The following KAZN variants were observed in gnomAD, a reference collection of about 807,000 sequenced individuals.
KAZN encodes kazrin.
KAZN carries 40 observed loss-of-function variants against 87.4 expected under a neutral mutation model. The ratio of observed to expected loss-of-function variants is 0.46; its 90% CI spans 0.36 to 0.60. KAZN has a LOEUF of 0.60. Ranked by LOEUF, KAZN falls within the 20% of genes least tolerant of loss-of-function variation. The probability of loss-of-function intolerance (pLI) is 0.00; values close to 1 mark genes in which losing one functional copy is unlikely to be tolerated. For missense variants in KAZN, 898 were observed against 1,073.9 expected (o/e 0.84, Z 2.29); for synonymous variants, 466 against 458.3 (o/e 1.02, Z -0.22).
intron 1 of KAZN, among the ~76,000 whole-genome samples, chr1:14,887,580 A>G (rs1654213278): frequency 6.6e-6 from 1 of 152,184 alleles, no homozygotes; most frequent in African/African-American, 2.4e-5. Flanking sequence ...GTGTCTAGGA[A>G]AAAACATGCA....
intron 1 of KAZN, among the ~76,000 whole-genome samples, chr1:14,053,498 A>G (rs777810948): frequency 1.3e-5 from 2 of 152,190 alleles, no homozygotes; most frequent in Non-Finnish European, 2.9e-5. Context: ...ACAGTAGAGA[A>G]CTAAGGCAGT....
intron 2 of KAZN, among the ~76,000 whole-genome samples, chr1:15,022,748 G>A (rs1011270818): frequency 3.9e-5 from 6 of 152,196 alleles, no homozygotes; most frequent in African/African-American, 9.7e-5. Context: ...GGCCACATTC[G>A]GTCAGTCACC....
intron 1 of KAZN, among the ~76,000 whole-genome samples, chr1:14,929,266 T>C (rs992959917): frequency 6.6e-6 from 1 of 152,224 alleles, no homozygotes; most frequent in African/African-American, 2.4e-5. Context: ...TTTTCTTTTA[T>C]TTTTGAAGTT....
At chr1:14,531,770 T>A (rs1672219955) in intron 2 of KAZN, among the ~76,000 whole-genome samples, 1 of 152,232 alleles carries the variant, frequency 6.6e-6, no homozygotes. Context: ...AGCTTTGAAA[T>A]GGAAACTAAT....
upstream of KAZN, among the ~76,000 whole-genome samples, chr1:14,594,564 C>A (rs1402038778): frequency 6.6e-6 from 1 of 152,152 alleles, no homozygotes. Flanking sequence ...ATGAAGTGGA[C>A]CCATTTTCTG....
At chr1:14,862,738 A>G (rs958932968) in intron 1 of KAZN, among the ~76,000 whole-genome samples, 1 of 152,150 alleles carries the variant, frequency 6.6e-6, no homozygotes, top group African/African-American at 2.4e-5. Flanking sequence ...TGTGCTCATA[A>G]TACATTGACA....
intron 2 of KAZN, among the ~76,000 whole-genome samples, chr1:14,533,656 C>T (rs914964431): frequency 3.9e-5 from 6 of 152,162 alleles, no homozygotes; most frequent in African/African-American, 9.7e-5. Flanking sequence ...CCGTTTGCTC[C>T]TTGCTTGCCC....
chr1:14,433,852 T>A (rs977315945), intron 2 of KAZN, among the ~76,000 whole-genome samples: 11 of 152,128 alleles, frequency 7.2e-5, no homozygotes, highest in African/African-American at 2.7e-4. Context: ...TGAGTGAGAC[T>A]CTGTCTCAAA....
intron 2 of KAZN, among the ~76,000 whole-genome samples, chr1:14,398,974 C>A (rs1270376030): frequency 2.6e-5 from 4 of 152,056 alleles, no homozygotes; most frequent in Non-Finnish European, 1.5e-5. Flanking sequence ...TCTCCCCATT[C>A]CCCCCTCCAC....
chr1:14,190,505 T>C (rs1222582521), intron 2 of KAZN, among the ~76,000 whole-genome samples: 1 of 152,206 alleles, frequency 6.6e-6, no homozygotes, highest in Non-Finnish European at 1.5e-5. Flanking sequence ...TTCTTTGCAA[T>C]GTGACTTTGC....
chr1:14,407,620 T>A (rs1246608185), intron 2 of KAZN, among the ~76,000 whole-genome samples: 1 of 152,182 alleles, frequency 6.6e-6, no homozygotes, highest in Non-Finnish European at 1.5e-5. Context: ...TTGAGCCAGT[T>A]TCCTGATCTC....
chr1:14,731,427 G>A (rs1229015348), intron 1 of KAZN, among the ~76,000 whole-genome samples: 3 of 152,130 alleles, frequency 2.0e-5, no homozygotes, highest in Non-Finnish European at 4.4e-5. Context: ...ACTTATCCCC[G>A]GTTCTAGAAG....
At chr1:14,682,060 A>G (rs1640694707) in intron 1 of KAZN, among the ~76,000 whole-genome samples, 2 of 151,874 alleles carry the variant, frequency 1.3e-5, no homozygotes, top group African/African-American at 4.8e-5. Context: ...CATCATCACT[A>G]TCCATCTCCA....
chr1:15,053,059 G>C (rs1283144196), intron 4 of KAZN, among the ~76,000 whole-genome samples: 1 of 152,242 alleles, frequency 6.6e-6, no homozygotes, highest in Non-Finnish European at 1.5e-5. Flanking sequence ...GTGTTTGCAG[G>C]AGGGGGAGCT....
intron 8 of KAZN, among the ~76,000 whole-genome samples, chr1:15,084,603 A>C (rs1395471300): frequency 2.0e-5 from 3 of 152,216 alleles, no homozygotes; most frequent in Non-Finnish European, 4.4e-5. Flanking sequence ...GACTGTTATC[A>C]GGGGGTTAAA....
At chr1:14,227,512 G>T (rs1647399543) in intron 2 of KAZN, among the ~76,000 whole-genome samples, 1 of 152,124 alleles carries the variant, frequency 6.6e-6, no homozygotes, top group Non-Finnish European at 1.5e-5. Context: ...TGATCTCAGG[G>T]TGCCTAAATT....
intron 2 of KAZN, among the ~76,000 whole-genome samples, chr1:14,985,735 G>C (rs1285005917): frequency 1.3e-5 from 2 of 152,064 alleles, no homozygotes; most frequent in East Asian, 3.9e-4. Context: ...CAGGCACGGT[G>C]GCCCATGCTT....
chr1:14,859,240 A>T (rs928059245), intron 1 of KAZN, among the ~76,000 whole-genome samples: 1 of 152,060 alleles, frequency 6.6e-6, no homozygotes, highest in African/African-American at 2.4e-5. Flanking sequence ...TGCAATTCTA[A>T]GTAACCGCTC....
intron 1 of KAZN, among the ~76,000 whole-genome samples, chr1:14,048,909 T>C (rs1642189600): frequency 6.6e-6 from 1 of 152,166 alleles, no homozygotes; most frequent in Non-Finnish European, 1.5e-5. Flanking sequence ...TGTTCCTATT[T>C]CTCCACATCC....
Sources: gnomAD v4.1 joint callset for allele counts (sites outside exome capture counted in the v4.1 genomes callset) on GRCh38, gnomAD v4.1.1 for gene constraint, MANE v1.5 for transcripts, NCBI Gene and HGNC (gene_info 2026-07-23, HGNC 2026-07-21) for gene names.